The following NTM variants were observed in gnomAD, a reference collection of about 807,000 sequenced individuals.
NTM encodes the protein neurotrimin.
A neutral mutation model predicts 42.1 loss-of-function variants in NTM; 13 were observed. The observed-to-expected ratio is 0.31, with a 90% CI of 0.20 to 0.49. NTM has a LOEUF of 0.49. NTM is among the 20% of genes least tolerant of loss of function. NTM has a pLI of 0.99. For synonymous variants in NTM, 187 were observed against 179.2 expected (o/e 1.04, Z -0.35); for missense variants, 373 against 452.8 (o/e 0.82, Z 1.60).
At chr11:131,379,448 G>A (rs1942381417) in intron 1 of NTM, among the ~76,000 whole-genome samples, 1 of 152,090 alleles carries the variant, frequency 6.6e-6, no homozygotes, top group Non-Finnish European at 1.5e-5. Flanking sequence ...CTAACACAGC[G>A]GCTCCAGGAC....
At chr11:131,622,591 A>C (rs1181111204) in intron 1 of NTM, among the ~76,000 whole-genome samples, 2 of 152,244 alleles carry the variant, frequency 1.3e-5, no homozygotes, top group African/African-American at 4.8e-5. Context: ...CTGTACACAC[A>C]GAATATAAAT....
intron 4 of NTM, among the ~76,000 whole-genome samples, chr11:132,246,585 G>A (rs184626524): frequency 6.6e-6 from 1 of 152,188 alleles, no homozygotes; most frequent in African/African-American, 2.4e-5. Context: ...TTTTGCTTTG[G>A]ATAATATTCA....
intron 6 of NTM, among the ~76,000 whole-genome samples, chr11:132,310,870 A>G: frequency 6.6e-6 from 1 of 152,320 alleles, no homozygotes; most frequent in Admixed American, 6.5e-5. Context: ...ATATCAGTGC[A>G]GGGATCAGTA....
At chr11:131,830,909 A>ATATTT (rs56208314) in intron 1 of NTM, among the ~76,000 whole-genome samples, 8,210 of 152,058 alleles carry the variant, frequency 0.054, 337 homozygotes, top group Middle Eastern at 0.085. Context: ...GTATTCCTAC[A>ATATTT]TATTTTATTT....
intron 4 of NTM, among the ~76,000 whole-genome samples, chr11:132,285,711 C>A (rs929726834): frequency 6.6e-6 from 1 of 152,178 alleles, no homozygotes; most frequent in Non-Finnish European, 1.5e-5. Context: ...ATCATTTATT[C>A]TTTGCATCAC....
chr11:131,642,829 G>A (rs1297804083), intron 1 of NTM, among the ~76,000 whole-genome samples: 2 of 151,618 alleles, frequency 1.3e-5, no homozygotes, highest in African/African-American at 2.4e-5. Flanking sequence ...TCCAATTATC[G>A]TCCTGTCTTT....
chr11:131,401,844 A>ATATATATATATATATATATATG (rs1945266738), intron 1 of NTM, among the ~76,000 whole-genome samples: 3 of 101,082 alleles, frequency 3.0e-5, no homozygotes, highest in African/African-American at 1.2e-4. Flanking sequence ...ATATATATAT[A>ATATATATATATATATATATATG]TATATATATA....
At chr11:131,609,905 C>T (rs1316693853) in intron 1 of NTM, among the ~76,000 whole-genome samples, 1 of 152,098 alleles carries the variant, frequency 6.6e-6, no homozygotes, top group East Asian at 1.9e-4. Flanking sequence ...CTCAGGTTAC[C>T]TGTTTTTCTT....
chr11:131,814,817 C>T (rs1031154906), intron 1 of NTM, among the ~76,000 whole-genome samples: 2 of 152,182 alleles, frequency 1.3e-5, no homozygotes, highest in Non-Finnish European at 2.9e-5. Flanking sequence ...AGCGTCCAGT[C>T]TAGAAACCTG....
chr11:132,108,148 C>T (rs2062654944), intron 2 of NTM, among the ~76,000 whole-genome samples: 3 of 152,158 alleles, frequency 2.0e-5, no homozygotes, highest in Non-Finnish European at 4.4e-5. Flanking sequence ...TCGTAATATC[C>T]ATTGTTTCTA....
intron 4 of NTM, among the ~76,000 whole-genome samples, chr11:132,217,789 C>T (rs924799652): frequency 6.7e-6 from 1 of 150,042 alleles, no homozygotes; most frequent in Non-Finnish European, 1.5e-5. Context: ...TAAAAGGCAC[C>T]AAATTGATGG....
At chr11:132,094,096 C>A (rs1043722958) in intron 2 of NTM, among the ~76,000 whole-genome samples, 1 of 152,152 alleles carries the variant, frequency 6.6e-6, no homozygotes, top group Non-Finnish European at 1.5e-5. Flanking sequence ...CAGTTGGCCA[C>A]CTTTGATTGG....
chr11:131,834,619 C>CATATATATAT (rs1437043670), intron 1 of NTM, among the ~76,000 whole-genome samples: 2 of 57,698 alleles, frequency 3.5e-5, no homozygotes, highest in Admixed American at 2.1e-4. Flanking sequence ...TATATATATA[C>CATATATATAT]ATATACATAT....
At chr11:131,513,043 G>A (rs1056854083) in intron 1 of NTM, among the ~76,000 whole-genome samples, 8 of 152,040 alleles carry the variant, frequency 5.3e-5, no homozygotes, top group South Asian at 2.1e-4. Flanking sequence ...GTTTTGCTCC[G>A]TGACTGGATC....
At chr11:132,189,311 T>C (rs1189634193) in intron 3 of NTM, among the ~76,000 whole-genome samples, 1 of 152,160 alleles carries the variant, frequency 6.6e-6, no homozygotes, top group Non-Finnish European at 1.5e-5. Flanking sequence ...ATACTTCAAC[T>C]TGGAGACACC....
intron 1 of NTM, among the ~76,000 whole-genome samples, chr11:131,822,401 T>A (rs2093227187): frequency 2.0e-5 from 3 of 152,176 alleles, no homozygotes. Context: ...TACACCAGTG[T>A]GTAAAATGTA....
chr11:131,971,917 G>A (rs371397791), intron 2 of NTM, among the ~76,000 whole-genome samples: 6 of 151,648 alleles, frequency 4.0e-5, no homozygotes, highest in African/African-American at 1.2e-4. Flanking sequence ...GTGGTGGTGG[G>A]CGCCTGTAGT....
At chr11:131,635,016 C>T (rs1405505876) in intron 1 of NTM, among the ~76,000 whole-genome samples, 2 of 152,158 alleles carry the variant, frequency 1.3e-5, no homozygotes, top group Non-Finnish European at 1.5e-5. Context: ...TGGTCAACAA[C>T]AAGCCGCATA....
At chr11:132,154,821 G>T (rs531686570) in intron 3 of NTM, among the ~76,000 whole-genome samples, 1 of 152,312 alleles carries the variant, frequency 6.6e-6, no homozygotes, top group African/African-American at 2.4e-5. Context: ...GTCTAACATT[G>T]GTATGAAATC....
Sources: allele counts gnomAD v4.1 joint callset (sites outside exome capture counted in the v4.1 genomes callset), GRCh38; gene constraint gnomAD v4.1.1; transcripts MANE v1.5; gene names NCBI Gene and HGNC (gene_info 2026-07-23, HGNC 2026-07-21).